Variants in CATSPER4 observed in about 807,000 individuals in gnomAD.
The protein encoded by CATSPER4 is cation channel sperm-associated protein 4.
CATSPER4 carries 46 observed loss-of-function variants against 54.4 expected under a neutral mutation model. That is an observed-to-expected ratio of 0.84 (90% confidence interval 0.67 to 1.08). CATSPER4 has a LOEUF of 1.08. Among genes scored for constraint, CATSPER4 ranks in the 50% least tolerant of loss-of-function variants. The probability of loss-of-function intolerance (pLI) is 0.00; values close to 1 mark genes in which losing one functional copy is unlikely to be tolerated. For synonymous variants in CATSPER4, 230 were observed against 231.9 expected, an observed-to-expected ratio of 0.99 and a Z score of 0.08; for missense variants, 574 against 612.8, an observed-to-expected ratio of 0.94 and a Z score of 0.67.
intron 3 of CATSPER4, among the ~76,000 whole-genome samples, chr1:26,195,696 G>T (rs970144015): frequency 6.6e-6 from 1 of 151,970 alleles, no homozygotes; most frequent in Non-Finnish European, 1.5e-5. Flanking sequence ...AGAGACGGGG[G>T]TCTCACCGTG....
At chr1:26,195,845 T>C (rs1440197043) in intron 3 of CATSPER4, among the ~76,000 whole-genome samples, 10 of 152,238 alleles carry the variant, frequency 6.6e-5, no homozygotes, top group African/African-American at 2.4e-4. Context: ...GGGAACTCAT[T>C]CATTACCTTC....
intron 6 of CATSPER4, among the ~76,000 whole-genome samples, chr1:26,199,162 G>A (rs1227105772): frequency 6.6e-6 from 1 of 152,142 alleles, no homozygotes; most frequent in East Asian, 1.9e-4. Flanking sequence ...ACAAAGCCCA[G>A]TGCAGTGGCT....
chr1:26,192,647 G>A (rs1320720353), intron 2 of CATSPER4, among the ~76,000 whole-genome samples: 1 of 150,882 alleles, frequency 6.6e-6, no homozygotes, highest in African/African-American at 2.4e-5. Context: ...GGCTGGTCTG[G>A]AACTCCTGGG....
intron 6 of CATSPER4, among the ~76,000 whole-genome samples, chr1:26,199,529 G>A (rs2088981788): frequency 6.6e-6 from 1 of 150,770 alleles, no homozygotes; most frequent in African/African-American, 2.4e-5. Flanking sequence ...AACCCAGGAG[G>A]TGGAGCTTGC....
At chr1:26,194,998 C>T (rs1185974508) in intron 3 of CATSPER4, among the ~76,000 whole-genome samples, 1 of 152,144 alleles carries the variant, frequency 6.6e-6, no homozygotes, top group African/African-American at 2.4e-5. Context: ...GCAGGAGAAC[C>T]ACTTGAACCC....
chr1:26,196,452 C>T (rs1327617949), intron 3 of CATSPER4, among the ~76,000 whole-genome samples: 2 of 122,334 alleles, frequency 1.6e-5, no homozygotes, highest in African/African-American at 6.3e-5. Context: ...ACCCCTGTTG[C>T]TCAGGCTGGA....
chr1:26,200,173 T>G (rs1354945546), intron 7 of CATSPER4, 115 bp downstream of exon 7: 2 of 1,261,796 alleles, frequency 1.6e-6, no homozygotes, highest in African/African-American at 3.0e-5. Context: ...GAAAGCCAAG[T>G]TGGAGGCCTG....
Position 26,190,801 on chromosome 1 carries a change from G to T in CATSPER4, c.174G>T (p.Glu58Asp). The part of the protein sequence containing the change: ...TIHESYGRPE[E>D]QVLINRQEIT... ...ACGAGTCCTACGGTCGGCCAGAGGA[G>T]CAAGTGCTCATCAACCGCCAGGAAA... is the stretch of plus-strand genomic sequence containing the variant. The change falls in exon 1 of 10, where the codon GAG becomes GAT. Residue 58 changes from glutamate (E) to aspartate (D), a missense_variant. Coordinates refer to ENST00000456354, the MANE Select transcript of CATSPER4 (RefSeq NM_198137.2). The T allele has an allele frequency of 1.2e-6, 2 of 1,612,884 alleles. No homozygotes were observed. Among genetic ancestry groups the T allele is most frequent in the Non-Finnish European group, 1.7e-6 (2 of 1,179,628 alleles).
Position 26,191,433 on chromosome 1 carries a change from G to A in CATSPER4, c.357+3G>A, listed in dbSNP as rs2088867797. 3.1e-6 allele frequency: 5 copies of A among 1,614,014 alleles called. No homozygotes were observed. Among genetic ancestry groups the A allele is most frequent in the Non-Finnish European group, 4.2e-6 (5 of 1,179,948 alleles). On this transcript the variant is annotated splice_donor_region_variant and intron_variant, in intron 2 of 9. Coordinates refer to ENST00000456354, the MANE Select transcript of CATSPER4 (RefSeq NM_198137.2). ...GTACCAACTCCTACCTGGACCAGGT[G>A]GGATGCCAGCATGACCTCTGCCCCA...
intron 6 of CATSPER4, among the ~76,000 whole-genome samples, chr1:26,199,114 T>TGA: frequency 6.6e-6 from 1 of 151,952 alleles, no homozygotes; most frequent in African/African-American, 2.4e-5. Flanking sequence ...CTATCCTGGC[T>TGA]AACACAGTGA....
At position 26,196,006 on chromosome 1, in the gene CATSPER4, T is replaced by C. The variant is rs2088934128; in HGVS notation, c.460-1680T>C. On this transcript the variant is annotated intron_variant, in intron 3 of 9. Transcript: ENST00000456354. ...TTATTTTTACAATAATCAGCAAATA[T>C]GTATATACCCTCGATCTTCCGTTTC... Among the ~76,000 whole-genome samples the C allele has an allele frequency of 3.9e-5, 6 of 152,316 alleles. No homozygotes were observed. The South Asian group carries it at 1.0e-3, about 26-fold the overall frequency.
intron 3 of CATSPER4, among the ~76,000 whole-genome samples, 182 bp from the exon 4 acceptor site, chr1:26,197,504 A>G (rs2088955346): frequency 6.6e-6 from 1 of 152,168 alleles, no homozygotes; most frequent in South Asian, 2.1e-4. Context: ...TGGGACAGAG[A>G]GTACACGTGT....
At chr1:26,201,690 C>T (rs1569913136) in intron 9 of CATSPER4, 171 bp downstream of exon 9, 25 of 397,156 alleles carry the variant, frequency 6.3e-5, no homozygotes, top group African/African-American at 1.6e-4. Flanking sequence ...TCTTTCTTTC[C>T]TTTTTTTTTT....
chr1:26,201,331 G>T lies in CATSPER4; in HGVS notation c.1200-23G>T, dbSNP rs952250070. ...TTCCCTCCCCTGAGGCCTTCTGAAA[G>T]GCACTCACTGCTCCACCCCCAGGAT... On this transcript the variant is annotated intron_variant, in intron 8 of 9. Coordinates refer to ENST00000456354, the MANE Select transcript of CATSPER4 (RefSeq NM_198137.2). The T allele has an allele frequency of 5.0e-6, 8 of 1,613,154 alleles. No homozygotes were observed. The Admixed American group carries it at 8.3e-5, about 17-fold the overall frequency.
chr1:26,191,383 A>T lies in CATSPER4; in HGVS notation c.310A>T (p.Ile104Phe). Reference sequence around the variant, plus strand: ...ACTGCTGCTGGCCCTGCTGCTGGTGATCAATGCCATCACCATCGCTCTCCG... The same window carrying T: ...ACTGCTGCTGGCCCTGCTGCTGGTGTTCAATGCCATCACCATCGCTCTCCG... ...FQLLLALLLV[I>F]NAITIALRTN... Residue 104 changes from isoleucine (I) to phenylalanine (F), a missense_variant, in exon 2 of 10, where the codon ATC becomes TTC. By Grantham distance (21) the Ile-to-Phe change is conservative (BLOSUM62 0). Transcript: ENST00000456354. The T allele has an allele frequency of 6.2e-7, 1 of 1,614,084 alleles. No homozygotes were observed.
Position 26,190,835 on chromosome 1 carries a change from A to AAAGCGGTAAGGATAGCTCTCG in CATSPER4, c.209_213+16dup. The stretch of plus-strand genomic sequence containing the variant: ...CATCAACCGCCAGGAAATCACGAAC[A>AAAGCGGTAAGGATAGCTCTCG]AAGCGGTAAGGATAGCTCTCGCCCC... On this transcript the variant is annotated inframe_insertion, in exon 1 of 10. Transcript: ENST00000456354. The AAAGCGGTAAGGATAGCTCTCG allele has an allele frequency of 6.2e-7, 1 of 1,608,288 alleles. No homozygotes were observed. Among genetic ancestry groups the AAAGCGGTAAGGATAGCTCTCG allele is most frequent in the Non-Finnish European group, 8.5e-7 (1 of 1,177,388 alleles).
intron 3 of CATSPER4, 27 bp from the exon 4 acceptor site, chr1:26,197,659 C>A: frequency 3.2e-6 from 5 of 1,556,014 alleles, no homozygotes; most frequent in Non-Finnish European, 4.4e-6. Context: ...GCCTGACAGA[C>A]CCCACTGGGG....
At chr1:26,201,257 G>C (rs1379106288) in intron 8 of CATSPER4, 97 bp from the exon 9 acceptor site, 2 of 1,345,268 alleles carry the variant, frequency 1.5e-6, no homozygotes, top group Non-Finnish European at 2.1e-6. Context: ...TCAGGGCTGC[G>C]TGGGAGAGCG....
chr1:26,202,550 G>A lies in CATSPER4; in HGVS notation c.*8G>A, dbSNP rs868672021. ...CACAAGAGCAGCCACTGAGAGGCCA[G>A]GATGGGAGCCAAGGGGCCTGCACAC... On this transcript the variant is annotated 3_prime_UTR_variant, in exon 10 of 10. Transcript: ENST00000456354. The A allele has an allele frequency of 7.5e-6, 12 of 1,609,374 alleles. No homozygotes were observed. In the Middle Eastern group the frequency reaches 2.0e-3, roughly 267 times the overall value.
Sources: allele counts gnomAD v4.1 joint callset (sites outside exome capture counted in the v4.1 genomes callset), GRCh38; gene constraint gnomAD v4.1.1; transcripts MANE v1.5; gene names NCBI Gene and HGNC (gene_info 2026-07-23, HGNC 2026-07-21).